Variants in RADX observed in about 807,000 individuals in gnomAD.
RADX encodes RPA-related protein RADX.
RADX carries 36 observed loss-of-function variants against 61.6 expected under a neutral mutation model. That is an observed-to-expected ratio of 0.58 (90% CI 0.45 to 0.77). The LOEUF (loss-of-function observed/expected upper bound fraction) is 0.77. RADX is among the 30% of genes least tolerant of loss of function. RADX has a pLI of 0.00. For synonymous variants in RADX, 272 were observed against 237.9 expected, an observed-to-expected ratio of 1.14 and a Z score of -1.32; for missense variants, 497 against 651.1, an observed-to-expected ratio of 0.76 and a Z score of 2.58.
chrX:106,619,472 A>G (rs752099463), intron 1 of RADX, among the ~76,000 whole-genome samples: 3 of 111,952 alleles, frequency 2.7e-5, no homozygotes, highest in Non-Finnish European at 5.6e-5. Flanking sequence ...TACAATTTCT[A>G]TACTTTATTA....
chrX:106,675,079 C>T (rs185938673), intron 13 of RADX, among the ~76,000 whole-genome samples: 1 of 110,570 alleles, frequency 9.0e-6, no homozygotes, highest in Non-Finnish European at 1.9e-5. Flanking sequence ...TCCAAATAGC[C>T]ATTTATCCCA....
intron 13 of RADX, among the ~76,000 whole-genome samples, chrX:106,675,632 A>G (rs1414828760): frequency 8.9e-6 from 1 of 112,359 alleles, no homozygotes; most frequent in African/African-American, 3.2e-5. Flanking sequence ...TTTTCCTGTG[A>G]CCAAAGAGAG....
intron 9 of RADX, 101 bp from the exon 10 acceptor site, chrX:106,640,451 A>G: frequency 1.9e-6 from 1 of 537,769 alleles, no homozygotes; most frequent in Non-Finnish European, 2.9e-6. Flanking sequence ...TTTTGCCAGA[A>G]CTGTTGATTA....
intron 10 of RADX, among the ~76,000 whole-genome samples, chrX:106,647,217 C>G (rs1345738164): frequency 1.8e-5 from 2 of 111,055 alleles, no homozygotes; most frequent in African/African-American, 6.5e-5. Flanking sequence ...TTTTTAGCTC[C>G]CACAAATAAG....
intron 11 of RADX, among the ~76,000 whole-genome samples, chrX:106,660,381 A>G (rs767080116): frequency 1.8e-5 from 2 of 112,089 alleles, no homozygotes; most frequent in East Asian, 5.6e-4. Context: ...TTACAACTCA[A>G]ACTAATACTT....
chrX:106,634,306 T>A (rs1042566303), intron 6 of RADX, among the ~76,000 whole-genome samples: 1 of 111,029 alleles, frequency 9.0e-6, no homozygotes, highest in Non-Finnish European at 1.9e-5. Context: ...TGGCTAATTT[T>A]TATATTTTCA....
chrX:106,623,414 T>G (rs1927001070), intron 2 of RADX, among the ~76,000 whole-genome samples: 1 of 111,781 alleles, frequency 8.9e-6, no homozygotes, highest in Non-Finnish European at 1.9e-5. Context: ...TATTGTACTT[T>G]CCCATGATAT....
chrX:106,633,660 T>C (rs1927293233), intron 6 of RADX, among the ~76,000 whole-genome samples: 1 of 112,230 alleles, frequency 8.9e-6, no homozygotes, highest in Non-Finnish European at 1.9e-5. Context: ...ATTGGTGGAC[T>C]ATGTAATTAC....
At chrX:106,676,504 C>T (rs968223196) in intron 13 of RADX, among the ~76,000 whole-genome samples, 1 of 112,207 alleles carries the variant, frequency 8.9e-6, no homozygotes, top group Middle Eastern at 4.6e-3. Context: ...CATATGCCTT[C>T]ATGCCAGCTT....
At chrX:106,615,338 G>C (rs1406528794) in intron 1 of RADX, among the ~76,000 whole-genome samples, 4 of 111,596 alleles carry the variant, frequency 3.6e-5, no homozygotes, top group Middle Eastern at 4.2e-3. Flanking sequence ...CAAGCAACAG[G>C]CAAGATTTGG....
At chrX:106,619,591 T>C (rs1305389017) in intron 1 of RADX, among the ~76,000 whole-genome samples, 4 of 112,023 alleles carry the variant, frequency 3.6e-5, no homozygotes, top group African/African-American at 1.3e-4. Context: ...CCATCATTCA[T>C]AAACTTTTTT....
In RADX at chrX:106,678,617, C is replaced by T. The variant is rs1166353017; in HGVS notation, c.*359C>T. 8.4e-6 allele frequency: 1 copy of T among 118,925 alleles called. No individual in the cohort carries two copies. The highest frequency in any genetic ancestry group is 3.2e-5 in the African/African-American group (1 of 30,992). 9.8% of individuals were successfully genotyped at this position (118,925 alleles called of 1,213,427 possible). ...CATCCTAACTTACAAGAGTAACTTTCCATGGACATTTAACATCCTTCCAAT... is the reference window on the plus strand; with the variant it reads ...CATCCTAACTTACAAGAGTAACTTTTCATGGACATTTAACATCCTTCCAAT... On this transcript the variant is annotated 3_prime_UTR_variant, in exon 14 of 14. Transcript: ENST00000372548.
chrX:106,678,414 CT>C lies in RADX; in HGVS notation c.*161del, dbSNP rs1166997644. The C allele has an allele frequency of 2.8e-6, 1 of 355,721 alleles. No homozygotes were observed. The highest frequency in any genetic ancestry group is 4.2e-5 in the East Asian group (1 of 23,819). 29.3% of individuals were successfully genotyped at this position (355,721 alleles called of 1,213,427 possible). A position where few individuals can be genotyped will look rare whatever the true frequency, so the allele number is the denominator to read the frequency against. On this transcript the variant is annotated 3_prime_UTR_variant, in exon 14 of 14. Coordinates refer to ENST00000372548, the MANE Select transcript of RADX (RefSeq NM_018015.6). ...TTATGTTCGTTTTGTGTTTAGGGAG[CT>C]TTTTAAAACACTTCATTTCAGATTC...
chrX:106,651,122 A>G (rs901187376), intron 11 of RADX, among the ~76,000 whole-genome samples: 13 of 111,517 alleles, frequency 1.2e-4, no homozygotes, highest in African/African-American at 4.2e-4. Flanking sequence ...TAGAATAAAA[A>G]TAAACTGTAT....
Position 106,658,988 on chromosome X carries a change from T to A in RADX, c.1979-3027T>A, listed in dbSNP as rs531910551. Reference sequence around the variant, plus strand: ...CATTTTTTTTTTTTTTGAGACAGAGTCTTGCTATGTCATCCAGGCAGGAGT... The same window carrying A: ...CATTTTTTTTTTTTTTGAGACAGAGACTTGCTATGTCATCCAGGCAGGAGT... On this transcript the variant is annotated intron_variant, in intron 11 of 13. Coordinates refer to ENST00000372548, the MANE Select transcript of RADX (RefSeq NM_018015.6). Among the ~76,000 whole-genome samples the A allele has an allele frequency of 1.0e-4, 11 of 106,990 alleles. 1 individual carries two copies. The highest frequency in any genetic ancestry group is 3.4e-4 in the African/African-American group (10 of 29,129). 92.9% of individuals were successfully genotyped at this position (106,990 alleles called of 115,157 possible).
chrX:106,650,830 G>A (rs1016748342), intron 11 of RADX, among the ~76,000 whole-genome samples: 1 of 111,830 alleles, frequency 8.9e-6, no homozygotes, highest in Non-Finnish European at 1.9e-5. Context: ...TATCGGTAGA[G>A]GATGAGTAGA....
At chrX:106,637,643 G>T in intron 7 of RADX, 117 bp from the exon 8 acceptor site, 2 of 539,859 alleles carry the variant, frequency 3.7e-6, no homozygotes, top group African/African-American at 2.4e-5. Context: ...TTTTTTCTTG[G>T]TGATAAAAGA....
At chrX:106,654,275 C>T (rs1311761852) in intron 11 of RADX, among the ~76,000 whole-genome samples, 1 of 108,818 alleles carries the variant, frequency 9.2e-6, no homozygotes, top group African/African-American at 3.6e-5. Flanking sequence ...TTGCATTTCT[C>T]TAATGACTAG....
In RADX at chrX:106,611,995, C is replaced by T; in HGVS notation, c.-86C>T. On this transcript the variant is annotated 5_prime_UTR_variant, in exon 1 of 14. Coordinates refer to ENST00000372548, the MANE Select transcript of RADX (RefSeq NM_018015.6). ...TCAGCAGGGGCAGAGTAGCGATCGT[C>T]GCCAAAGCGCGCGGTTTTATTTCTC... The T allele has an allele frequency of 9.7e-7, 1 of 1,032,817 alleles. No homozygotes were observed. Among genetic ancestry groups the T allele is most frequent in the Non-Finnish European group, 1.3e-6 (1 of 760,909 alleles). The allele number at this position is 1,032,817 out of a possible 1,213,427, so 85.1% of individuals were successfully genotyped here. A position where few individuals can be genotyped will look rare whatever the true frequency, so the allele number is the denominator to read the frequency against.
Sources: allele counts gnomAD v4.1 joint callset (sites outside exome capture counted in the v4.1 genomes callset), GRCh38; gene constraint gnomAD v4.1.1; transcripts MANE v1.5; gene names NCBI Gene and HGNC (gene_info 2026-07-23, HGNC 2026-07-21).